FOXP2: variants seen among roughly 807,000 people sequenced by gnomAD.
FOXP2 encodes the protein forkhead box protein P2.
A neutral mutation model predicts 115.8 loss-of-function variants in FOXP2; 12 were observed. The ratio of observed to expected loss-of-function variants is 0.10; its 90% confidence interval spans 0.07 to 0.17. The LOEUF (loss-of-function observed/expected upper bound fraction) is 0.17. Ranked by LOEUF, FOXP2 falls within the 10% of genes least tolerant of loss-of-function variation. FOXP2 has a pLI of 1.00. For synonymous variants in FOXP2, 328 were observed against 297.7 expected (o/e 1.10, Z -1.05); for missense variants, 629 against 843.5 (o/e 0.75, Z 3.15).
chr7:114,141,481 G>A lies in FOXP2; in HGVS notation c.-246-21463G>A, dbSNP rs76989925. ...ATTTATATATGTTAATAAAGTATTTGTGAAAAATTAGATTCTTAGCTGGTC... is the reference window on the plus strand; with the variant it reads ...ATTTATATATGTTAATAAAGTATTTATGAAAAATTAGATTCTTAGCTGGTC... On this transcript the variant is annotated intron_variant, in intron 1 of 19. Transcript: ENST00000635638. 7.2e-3 allele frequency among the ~76,000 whole-genome samples: 1,102 copies of A among 152,206 alleles called. 13 individuals are homozygous for A. The highest frequency in any genetic ancestry group is 0.025 in the African/African-American group (1,052 of 41,562).
chr7:114,493,057 G>T lies in FOXP2; in HGVS notation c.169-41560G>T, dbSNP rs190810457. On this transcript the variant is annotated intron_variant, in intron 2 of 16. Coordinates refer to ENST00000350908, the MANE Select transcript of FOXP2 (RefSeq NM_014491.4). The stretch of plus-strand genomic sequence containing the variant: ...GTGTAGGAGTCTAAGTCACTTTGTA[G>T]GTCTCTAAGGACTTGCTTTACGAAT... Among the ~76,000 whole-genome samples the T allele has an allele frequency of 8.0e-4, 122 of 152,228 alleles. 1 individual carries two copies. Among genetic ancestry groups the T allele is most frequent in the African/African-American group, 2.8e-3 (118 of 41,542 alleles).
At chr7:114,111,744 A>G (rs1791273303) in intron 1 of FOXP2, among the ~76,000 whole-genome samples, 1 of 152,070 alleles carries the variant, frequency 6.6e-6, no homozygotes, top group South Asian at 2.1e-4. Flanking sequence ...AGAGATCTGT[A>G]AATGAGGGGA....
At chr7:114,596,465 C>T (rs1802716883) in intron 3 of FOXP2, among the ~76,000 whole-genome samples, 1 of 152,046 alleles carries the variant, frequency 6.6e-6, no homozygotes. Context: ...TGAAGCAGAT[C>T]CCTCTTGGGC....
At chr7:114,575,712 A>T (rs1742914017) in intron 3 of FOXP2, among the ~76,000 whole-genome samples, 1 of 151,926 alleles carries the variant, frequency 6.6e-6, no homozygotes, top group African/African-American at 2.4e-5. Flanking sequence ...GCACATGAAG[A>T]TACAAAGTTA....
chr7:114,687,600 A>G (rs955035929), intron 16 of FOXP2, among the ~76,000 whole-genome samples: 3 of 152,218 alleles, frequency 2.0e-5, no homozygotes, highest in Non-Finnish European at 4.4e-5. Context: ...TTTTCACATT[A>G]GGAGAAGGCT....
intron 2 of FOXP2, among the ~76,000 whole-genome samples, chr7:114,491,571 A>C (rs1343809495): frequency 1.3e-5 from 2 of 151,998 alleles, no homozygotes; most frequent in Non-Finnish European, 2.9e-5. Context: ...TTAGACATGA[A>C]GTCCTTGCCC....
intron 8 of FOXP2, among the ~76,000 whole-genome samples, chr7:114,646,083 T>G (rs1369106100): frequency 2.2e-5 from 1 of 46,128 alleles, no homozygotes; most frequent in Non-Finnish European, 6.5e-5. Context: ...AAAAAAAAAA[T>G]TGTTAAAGCA....
chr7:114,566,434 A>T (rs1161209102), intron 3 of FOXP2, among the ~76,000 whole-genome samples: 2 of 151,884 alleles, frequency 1.3e-5, no homozygotes, highest in African/African-American at 4.8e-5. Context: ...ATGGTGAGTG[A>T]TCTCTCACTC....
chr7:114,648,754 G>A (rs956457491), intron 8 of FOXP2, among the ~76,000 whole-genome samples: 13 of 152,052 alleles, frequency 8.5e-5, no homozygotes, highest in Non-Finnish European at 1.8e-4. Flanking sequence ...TTGAAAGAAC[G>A]TCAGTCGACC....
chr7:114,543,384 T>A (rs1009485830), intron 3 of FOXP2, among the ~76,000 whole-genome samples: 6 of 152,240 alleles, frequency 3.9e-5, no homozygotes, highest in Middle Eastern at 6.8e-3. Context: ...TTAAAAAAAA[T>A]TTCCATTTCA....
chr7:114,371,153 T>C (rs892520927), intron 2 of FOXP2, among the ~76,000 whole-genome samples: 3 of 152,186 alleles, frequency 2.0e-5, no homozygotes, highest in Non-Finnish European at 4.4e-5. Context: ...CTGTCAGGGC[T>C]AACTACAGCC....
chr7:114,441,985 A>G (rs1426896642), intron 2 of FOXP2, among the ~76,000 whole-genome samples: 1 of 152,216 alleles, frequency 6.6e-6, no homozygotes, highest in African/African-American at 2.4e-5. Context: ...TATGTTACTC[A>G]GTAATTATAA....
chr7:114,692,950 A>G lies in FOXP2; in HGVS notation c.*3024A>G. The G allele has an allele frequency of 6.6e-6, 3 of 453,930 alleles. No homozygotes were observed. The highest frequency in any genetic ancestry group is 4.7e-5 in the South Asian group (3 of 64,466). 28.1% of individuals were successfully genotyped at this position (453,930 alleles called of 1,614,324 possible). A position where few individuals can be genotyped will look rare whatever the true frequency, so the allele number is the denominator to read the frequency against. ...TTGTAACAGCTGTTATTCGTTCTGTATTCATGGCTTTCACTGCTGAATAAA... is the reference window on the plus strand; with the variant it reads ...TTGTAACAGCTGTTATTCGTTCTGTGTTCATGGCTTTCACTGCTGAATAAA... On this transcript the variant is annotated 3_prime_UTR_variant, in exon 17 of 17. Transcript: ENST00000350908.
At chr7:114,137,237 A>G (rs943655147) in intron 1 of FOXP2, among the ~76,000 whole-genome samples, 2 of 152,144 alleles carry the variant, frequency 1.3e-5, no homozygotes, top group African/African-American at 4.8e-5. Flanking sequence ...AGAGAATAAT[A>G]TAGTTGAAGG....
intron 16 of FOXP2, chr7:114,665,543 T>A (rs897101476): frequency 2.0e-5 from 3 of 152,110 alleles, no homozygotes; most frequent in Non-Finnish European, 4.4e-5. Flanking sequence ...TTATTCTGTT[T>A]GACATATTAA....
At chr7:114,572,813 CAT>C (rs984458807) in intron 3 of FOXP2, among the ~76,000 whole-genome samples, 1 of 151,846 alleles carries the variant, frequency 6.6e-6, no homozygotes, top group African/African-American at 2.4e-5. Flanking sequence ...TTTTCACTGA[CAT>C]ATTTTCAGAA....
intron 2 of FOXP2, among the ~76,000 whole-genome samples, chr7:114,393,465 C>T (rs1255227449): frequency 6.6e-6 from 1 of 152,000 alleles, no homozygotes; most frequent in Non-Finnish European, 1.5e-5. Context: ...CACATAATGT[C>T]AGAGTCTGAC....
intron 3 of FOXP2, among the ~76,000 whole-genome samples, chr7:114,596,255 G>T (rs1172310754): frequency 1.3e-5 from 2 of 151,966 alleles, no homozygotes. Context: ...TTGACCACTT[G>T]GTTGTGCTTC....
At chr7:114,388,467 T>G (rs1792510196) in intron 2 of FOXP2, among the ~76,000 whole-genome samples, 1 of 151,948 alleles carries the variant, frequency 6.6e-6, no homozygotes, top group African/African-American at 2.4e-5. Context: ...GATTGTTGAA[T>G]TGTGAAGCTC....
Sources: gnomAD v4.1 joint callset for allele counts (sites outside exome capture counted in the v4.1 genomes callset) on GRCh38, gnomAD v4.1.1 for gene constraint, MANE v1.5 for transcripts, NCBI Gene and HGNC (gene_info 2026-07-23, HGNC 2026-07-21) for gene names.